NR2C2: variants seen among roughly 807,000 people sequenced by gnomAD.
NR2C2 encodes nuclear receptor subfamily 2 group C member 2.
Under a neutral mutation model 62.9 loss-of-function variants are expected in NR2C2, and 6 were observed. The ratio of observed to expected loss-of-function variants is 0.10; its 90% CI spans 0.05 to 0.19. The LOEUF is 0.19. Among genes scored for constraint, NR2C2 ranks in the 10% least tolerant of loss-of-function variants. The probability of loss-of-function intolerance (pLI) is 1.00; values close to 1 mark genes in which losing one functional copy is unlikely to be tolerated. For missense variants in NR2C2, 479 were observed against 762.7 expected (o/e 0.63, Z 4.38); for synonymous variants, 272 against 273.8 (o/e 0.99, Z 0.07).
intron 1 of NR2C2, among the ~76,000 whole-genome samples, chr3:14,954,439 T>C (rs956838674): frequency 6.6e-6 from 1 of 152,180 alleles, no homozygotes; most frequent in African/African-American, 2.4e-5. Context: ...AAAATGTTCA[T>C]AGGAGCACTA....
At chr3:15,033,639 C>CT (rs58524753) in intron 10 of NR2C2, among the ~76,000 whole-genome samples, 28,149 of 84,766 alleles carry the variant, frequency 0.33, 5,526 homozygotes, top group Non-Finnish European at 0.42. Context: ...TAACCTCAGG[C>CT]TTTTTTTTTT....
At chr3:14,986,490 T>C (rs868532177) in intron 1 of NR2C2, among the ~76,000 whole-genome samples, 1 of 152,032 alleles carries the variant, frequency 6.6e-6, no homozygotes, top group African/African-American at 2.4e-5. Flanking sequence ...AAGGAGAAAA[T>C]TGAGGAAGGA....
Position 15,046,360 on chromosome 3 carries a change from G to T in NR2C2, c.*3352G>T, listed in dbSNP as rs902568949. 3 of 152,228 alleles carry T rather than the reference G, an allele frequency of 2.0e-5. No individual in the cohort carries two copies. The highest frequency in any genetic ancestry group is 7.2e-5 in the African/African-American group (3 of 41,458). The allele number at this position is 152,228 out of a possible 1,614,324, so 9.4% of individuals were successfully genotyped here. A position where few individuals can be genotyped will look rare whatever the true frequency, so the allele number is the denominator to read the frequency against. On this transcript the variant is annotated 3_prime_UTR_variant, in exon 14 of 14. Transcript: ENST00000425241. ...CATGGTGTTAACAGTGGATGCGTTA[G>T]GCTCCTTAATCTCAAGGCAATATCC...
intron 1 of NR2C2, among the ~76,000 whole-genome samples, chr3:14,963,529 C>T (rs1443068485): frequency 6.6e-6 from 1 of 152,000 alleles, no homozygotes; most frequent in Non-Finnish European, 1.5e-5. Context: ...AGTGCAGTGG[C>T]GCGATCTCGG....
chr3:14,980,419 T>A (rs1251959902), intron 1 of NR2C2, among the ~76,000 whole-genome samples: 1 of 152,130 alleles, frequency 6.6e-6, no homozygotes, highest in African/African-American at 2.4e-5. Flanking sequence ...TGCCTCGGCC[T>A]CCCAAAGTGT....
chr3:14,988,250 A>G (rs905467694), intron 1 of NR2C2, among the ~76,000 whole-genome samples: 1 of 152,358 alleles, frequency 6.6e-6, no homozygotes, highest in African/African-American at 2.4e-5. Context: ...TCCAGCTTCC[A>G]GTGCCAAGTC....
chr3:14,965,522 CAAAAAAAAA>C (rs545143806), intron 1 of NR2C2, among the ~76,000 whole-genome samples: 31 of 79,680 alleles, frequency 3.9e-4, no homozygotes, highest in African/African-American at 8.7e-4. Context: ...TTTCCCATGG[CAAAAAAAAA>C]AAAAAAAAAA....
intron 1 of NR2C2, among the ~76,000 whole-genome samples, chr3:14,983,168 T>C (rs867147072): frequency 1.3e-5 from 2 of 152,252 alleles, no homozygotes; most frequent in Middle Eastern, 3.4e-3. Flanking sequence ...TTGCGGACTG[T>C]AATTACGCTG....
intron 1 of NR2C2, among the ~76,000 whole-genome samples, chr3:14,966,212 AC>A (rs1194007540): frequency 1.3e-5 from 2 of 152,210 alleles, no homozygotes; most frequent in Non-Finnish European, 2.9e-5. Flanking sequence ...GAAGGAGCAT[AC>A]CAGTTTCCTT....
chr3:15,023,187 GT>G lies in NR2C2; in HGVS notation c.557-11del. The G allele has an allele frequency of 2.5e-6, 4 of 1,612,782 alleles. No individual in the cohort carries two copies. Among genetic ancestry groups the G allele is most frequent in the Non-Finnish European group, 3.4e-6 (4 of 1,179,244 alleles). On this transcript the variant is annotated splice_polypyrimidine_tract_variant and intron_variant, in intron 5 of 13. Transcript: ENST00000425241. ...TGTTTCTCTAAACACAAATATTTAT[GT>G]TGTGATTTAAGCTGTGCAGAGTGAA...
At chr3:14,980,414 C>T (rs200646450) in intron 1 of NR2C2, among the ~76,000 whole-genome samples, 41 of 152,142 alleles carry the variant, frequency 2.7e-4, no homozygotes, top group Non-Finnish European at 3.1e-4. Context: ...TCTCCTGCCT[C>T]GGCCTCCCAA....
intron 1 of NR2C2, among the ~76,000 whole-genome samples, chr3:14,999,721 A>G (rs183498406): frequency 6.6e-6 from 1 of 151,184 alleles, no homozygotes; most frequent in Admixed American, 6.6e-5. Context: ...GTTCCCCTGC[A>G]TTTGATTTCC....
chr3:15,017,455 T>C (rs1361969734), intron 4 of NR2C2, among the ~76,000 whole-genome samples: 1 of 152,224 alleles, frequency 6.6e-6, no homozygotes, highest in Non-Finnish European at 1.5e-5. Context: ...AACCATGTCT[T>C]ACCATCTATC....
intron 2 of NR2C2, among the ~76,000 whole-genome samples, chr3:15,012,220 A>C (rs1427333416): frequency 1.3e-5 from 2 of 150,178 alleles, no homozygotes; most frequent in Non-Finnish European, 3.0e-5. Context: ...TCAACCTTGA[A>C]GTTCCATTTC....
intron 2 of NR2C2, among the ~76,000 whole-genome samples, chr3:15,005,833 C>G (rs1396709138): frequency 6.6e-6 from 1 of 151,224 alleles, no homozygotes; most frequent in African/African-American, 2.4e-5. Context: ...GTTTTTTTAC[C>G]CAGCTGACAA....
At chr3:14,951,483 CTG>C (rs553894592) in intron 1 of NR2C2, among the ~76,000 whole-genome samples, 56 of 151,854 alleles carry the variant, frequency 3.7e-4, no homozygotes, top group Non-Finnish European at 5.3e-4. Flanking sequence ...AATAGTTTAA[CTG>C]TTTATTTTTG....
intron 1 of NR2C2, among the ~76,000 whole-genome samples, chr3:14,986,076 C>T (rs2040506298): frequency 6.6e-6 from 1 of 152,058 alleles, no homozygotes; most frequent in African/African-American, 2.4e-5. Context: ...TTAGGGGTTT[C>T]CAATTCCTTC....
intron 1 of NR2C2, among the ~76,000 whole-genome samples, chr3:14,982,153 C>T (rs2040389413): frequency 6.6e-6 from 1 of 152,180 alleles, no homozygotes; most frequent in African/African-American, 2.4e-5. Flanking sequence ...TGCAGCCTCA[C>T]TCTTGGGCTC....
At chr3:15,039,706 ATTC>A (rs1015786953) in intron 13 of NR2C2, among the ~76,000 whole-genome samples, 20 of 152,328 alleles carry the variant, frequency 1.3e-4, no homozygotes, top group African/African-American at 4.3e-4. Context: ...TTGACAGAAA[ATTC>A]TTATTGACAG....
Sources: gnomAD v4.1 joint callset for allele counts (sites outside exome capture counted in the v4.1 genomes callset) on GRCh38, gnomAD v4.1.1 for gene constraint, MANE v1.5 for transcripts, NCBI Gene and HGNC (gene_info 2026-07-23, HGNC 2026-07-21) for gene names.